WDR72: variants seen among roughly 807,000 people sequenced by gnomAD.
The protein encoded by WDR72 is WD repeat-containing protein 72.
A neutral mutation model predicts 124.2 loss-of-function variants in WDR72; 120 were observed. The ratio of observed to expected loss-of-function variants is 0.97; its 90% CI spans 0.83 to 1.12. The LOEUF is 1.12. WDR72 is among the 50% of genes most tolerant of loss of function. The pLI, the probability that WDR72 is intolerant of heterozygous loss-of-function variation, is 0.00. For missense variants in WDR72, 1,387 were observed against 1,278.8 expected, an observed-to-expected ratio of 1.08 and a Z score of -1.29; for synonymous variants, 452 against 441.7, an observed-to-expected ratio of 1.02 and a Z score of -0.29.
At chr15:53,708,429 G>A (rs1339967885) in intron 9 of WDR72, among the ~76,000 whole-genome samples, 1 of 152,142 alleles carries the variant, frequency 6.6e-6, no homozygotes, top group Non-Finnish European at 1.5e-5. Flanking sequence ...ATAAAGATAA[G>A]GTGCACAGGA....
intron 14 of WDR72, among the ~76,000 whole-genome samples, chr15:53,642,464 C>T (rs2014889130): frequency 6.6e-6 from 1 of 151,952 alleles, no homozygotes. Context: ...ATATGTTTTA[C>T]TTCATATCTA....
chr15:53,702,595 A>T (rs2017218404), intron 11 of WDR72, among the ~76,000 whole-genome samples: 1 of 152,310 alleles, frequency 6.6e-6, no homozygotes, highest in Admixed American at 6.5e-5. Context: ...ATTCTAGGCC[A>T]GGCATGGTGG....
chr15:53,728,224 T>C (rs2018099457), intron 2 of WDR72, among the ~76,000 whole-genome samples: 1 of 152,148 alleles, frequency 6.6e-6, no homozygotes, highest in Non-Finnish European at 1.5e-5. Flanking sequence ...AAGAGAGATA[T>C]TGGCAGGGAA....
chr15:53,517,823 A>AG, intron 19 of WDR72, 69 bp from the exon 20 acceptor site: 1 of 1,435,500 alleles, frequency 7.0e-7, no homozygotes, highest in Non-Finnish European at 9.8e-7. Flanking sequence ...AAAGACCAAG[A>AG]GGAGGGGAGG....
intron 18 of WDR72, among the ~76,000 whole-genome samples, chr15:53,573,105 G>A (rs1894612620): frequency 6.6e-6 from 1 of 152,104 alleles, no homozygotes; most frequent in African/African-American, 2.4e-5. Context: ...CAAATATTGT[G>A]TTAAAAACAA....
intron 13 of WDR72, among the ~76,000 whole-genome samples, chr15:53,667,571 AAAGAT>A (rs1223529151): frequency 6.6e-6 from 1 of 152,160 alleles, no homozygotes; most frequent in Non-Finnish European, 1.5e-5. Context: ...TTCACAAACC[AAAGAT>A]AAGAGTTATT....
intron 16 of WDR72, among the ~76,000 whole-genome samples, chr15:53,612,321 A>G (rs769007566): frequency 3.9e-5 from 6 of 152,156 alleles, no homozygotes; most frequent in Admixed American, 2.0e-4. Flanking sequence ...AGCAGGAGGC[A>G]GATGAGATTT....
At position 53,677,365 on chromosome 15, in the gene WDR72, C is replaced by T. The variant is rs370645730; in HGVS notation, c.1766-11597G>A. Among the ~76,000 whole-genome samples the T allele has an allele frequency of 9.2e-5, 14 of 152,314 alleles. No individual in the cohort carries two copies. The East Asian group carries it at 2.1e-3, about 23-fold the overall frequency. On this transcript the variant is annotated intron_variant, in intron 13 of 19. Transcript: ENST00000360509. ...AAGTACTATAAGCCATTCAGATATT[C>T]TCTAAATAGCTGGTGATTCCACAAT...
At chr15:53,668,974 G>A (rs200163100) in intron 13 of WDR72, among the ~76,000 whole-genome samples, 17 of 112,878 alleles carry the variant, frequency 1.5e-4, no homozygotes, top group East Asian at 2.8e-4. Context: ...GGAGGAGGAG[G>A]AGGAGAAGGA....
chr15:53,670,413 A>T (rs2015945056), intron 13 of WDR72, among the ~76,000 whole-genome samples: 1 of 152,190 alleles, frequency 6.6e-6, no homozygotes, highest in Non-Finnish European at 1.5e-5. Flanking sequence ...ACTTGTACAC[A>T]CTGCTTTCCC....
chr15:53,761,046 C>T (rs1441278144), upstream of WDR72, among the ~76,000 whole-genome samples: 1 of 152,070 alleles, frequency 6.6e-6, no homozygotes, highest in Non-Finnish European at 1.5e-5. Flanking sequence ...ATCACTTGAA[C>T]CCGAGAGGTG....
intron 13 of WDR72, among the ~76,000 whole-genome samples, chr15:53,696,547 C>T (rs1207105594): frequency 2.0e-5 from 3 of 152,220 alleles, no homozygotes; most frequent in African/African-American, 7.2e-5. Context: ...CAAGTATATT[C>T]CATACCTTCA....
intron 14 of WDR72, among the ~76,000 whole-genome samples, chr15:53,656,738 C>T (rs548452599): frequency 6.6e-6 from 1 of 151,976 alleles, no homozygotes; most frequent in African/African-American, 2.4e-5. Flanking sequence ...AAAATACCAT[C>T]CAGTGCATTA....
intron 18 of WDR72, among the ~76,000 whole-genome samples, chr15:53,538,650 A>C (rs1892893802): frequency 6.6e-6 from 1 of 152,198 alleles, no homozygotes; most frequent in South Asian, 2.1e-4. Context: ...ATTTTAGTTA[A>C]TTTTAAAGGT....
intron 18 of WDR72, among the ~76,000 whole-genome samples, chr15:53,580,419 G>A (rs1183509038): frequency 3.3e-5 from 5 of 152,172 alleles, no homozygotes; most frequent in Admixed American, 6.5e-5. Context: ...AAAGAATTGC[G>A]TGTACTTCTA....
intron 14 of WDR72, among the ~76,000 whole-genome samples, chr15:53,659,949 TA>T (rs2015554286): frequency 1.3e-5 from 2 of 152,050 alleles, no homozygotes; most frequent in Non-Finnish European, 2.9e-5. Context: ...TCAAAATACT[TA>T]AAACAGAAAT....
rs530253057 is a variant in WDR72 at position 53,675,312 on chromosome 15, C to T, written c.1766-9544G>A. ...GAGCTGAGATTGCACCACTGCACTC[C>T]AGCCTTGAGACAGAGTGAGACTCTG... On this transcript the variant is annotated intron_variant, in intron 13 of 19. Transcript: ENST00000360509. Among the ~76,000 whole-genome samples the T allele has an allele frequency of 1.1e-4, 16 of 147,102 alleles. No homozygotes were observed. The South Asian group carries it at 3.1e-3, about 28-fold the overall frequency.
chr15:53,738,184 A>T lies in WDR72; in HGVS notation c.-12-5023T>A, dbSNP rs529711245. 7.0e-4 allele frequency among the ~76,000 whole-genome samples: 106 copies of T among 152,306 alleles called. 2 individuals carry two copies. The highest frequency in any genetic ancestry group is 1.9e-3 in the African/African-American group (80 of 41,582). On this transcript the variant is annotated intron_variant, in intron 1 of 19. Coordinates refer to ENST00000360509, the MANE Select transcript of WDR72 (RefSeq NM_182758.4). ...ATTTGCCAAATGTAGGTTTTGTATT[A>T]AAAAAATTACAGCCTTAAACACATA...
intron 13 of WDR72, among the ~76,000 whole-genome samples, chr15:53,671,999 G>C (rs1321804413): frequency 6.6e-6 from 1 of 151,170 alleles, no homozygotes; most frequent in East Asian, 1.9e-4. Context: ...GAGAGAGCGA[G>C]AGAGAGAGAG....
Sources: gnomAD v4.1 joint callset for allele counts (sites outside exome capture counted in the v4.1 genomes callset) on GRCh38, gnomAD v4.1.1 for gene constraint, MANE v1.5 for transcripts, NCBI Gene and HGNC (gene_info 2026-07-23, HGNC 2026-07-21) for gene names.